Variants in DYNC2H1 observed in about 807,000 individuals in gnomAD.
The protein encoded by DYNC2H1 is dynein cytoplasmic 2 heavy chain 1, also known as cytoplasmic dynein 2 heavy chain 1.
A neutral mutation model predicts 570.0 loss-of-function variants in DYNC2H1; 410 were observed. The observed-to-expected ratio is 0.72, with a 90% CI of 0.66 to 0.78. The LOEUF is 0.78. DYNC2H1 is among the 30% of genes least tolerant of loss of function. The pLI, the probability that DYNC2H1 is intolerant of heterozygous loss-of-function variation, is 0.00. For missense variants in DYNC2H1, 4,865 were observed against 5,046.4 expected, an observed-to-expected ratio of 0.96 and a Z score of 1.09; for synonymous variants, 1,688 against 1,677.6, an observed-to-expected ratio of 1.01 and a Z score of -0.15.
chr11:103,123,857 A>C (rs905375197), intron 11 of DYNC2H1, among the ~76,000 whole-genome samples: 1 of 151,052 alleles, frequency 6.6e-6, no homozygotes, highest in African/African-American at 2.4e-5. Context: ...TTTTTGTCCC[A>C]TAGAATCATC....
intron 50 of DYNC2H1, among the ~76,000 whole-genome samples, chr11:103,202,606 G>T (rs1187332458): frequency 6.6e-6 from 1 of 151,654 alleles, no homozygotes; most frequent in African/African-American, 2.4e-5. Context: ...ATGTGTTCAA[G>T]TATGTACAAG....
rs7951325 is a variant in DYNC2H1, at chr11:103,293,251, C to T, written c.11095+5646C>T. ...CTCTGGATATGTCATCCCCCTCCCT[C>T]ATGGCATGTGAGGGTTCCACTGAGA... On this transcript the variant is annotated intron_variant, in intron 75 of 88. Transcript: ENST00000375735. Among the ~76,000 whole-genome samples the T allele has an allele frequency of 3.1e-3, 467 of 152,290 alleles. 2 individuals are homozygous for T. The highest frequency in any genetic ancestry group is 0.011 in the African/African-American group (449 of 41,560).
chr11:103,235,927 A>G (rs898640705), intron 62 of DYNC2H1, 114 bp downstream of exon 62: 1 of 1,302,876 alleles, frequency 7.7e-7, no homozygotes, highest in African/African-American at 1.5e-5. Flanking sequence ...CCTTTTTTAA[A>G]TGGGGGAAAT....
At chr11:103,202,890 G>C (rs915022794) in intron 50 of DYNC2H1, among the ~76,000 whole-genome samples, 1 of 152,104 alleles carries the variant, frequency 6.6e-6, no homozygotes, top group African/African-American at 2.4e-5. Flanking sequence ...CTGTCTTTAA[G>C]ACTAAAGTTG....
chr11:103,419,047 A>G (rs556887595), intron 84 of DYNC2H1, among the ~76,000 whole-genome samples: 1 of 152,320 alleles, frequency 6.6e-6, no homozygotes, highest in South Asian at 2.1e-4. Flanking sequence ...GTCATTCTGC[A>G]GGGCCCACTT....
In DYNC2H1 at chr11:103,154,477, A is replaced by G; in HGVS notation, c.3329A>G (p.Glu1110Gly). The G allele has an allele frequency of 1.3e-6, 2 of 1,550,552 alleles. No homozygotes were observed. Reference protein sequence around the residue: ...LVDDCHHFRLEEPNFSLASSI... With the variant: ...LVDDCHHFRLGEPNFSLASSI... Reference sequence around the variant, plus strand: ...GATGATTGCCATCATTTTAGACTGGAAGAGCCTAATTTCTCCCTGGCAAGT... The same window carrying G: ...GATGATTGCCATCATTTTAGACTGGGAGAGCCTAATTTCTCCCTGGCAAGT... Residue 1110 changes from glutamate (E) to glycine (G), a missense_variant, in exon 23 of 89, where the codon GAA (glutamate) becomes GGA (glycine). Glu to Gly is a moderately conservative substitution (Grantham distance 98). Coordinates refer to ENST00000375735, the MANE Select transcript of DYNC2H1 (RefSeq NM_001377.3).
chr11:103,116,555 T>A lies in DYNC2H1; in HGVS notation c.622-15T>A. 6.4e-7 allele frequency: 1 copy of A among 1,563,698 alleles called. No homozygotes were observed. Among genetic ancestry groups the A allele is most frequent in the South Asian group, 1.2e-5 (1 of 81,020 alleles). The stretch of plus-strand genomic sequence containing the variant: ...AAATATAATTATGTTTAAAAATTAA[T>A]GCATTTTTTTCTAGGAGTTTTATAA... On this transcript the variant is annotated splice_polypyrimidine_tract_variant and intron_variant, in intron 4 of 88. Coordinates refer to ENST00000375735, the MANE Select transcript of DYNC2H1 (RefSeq NM_001377.3).
At chr11:103,421,068 G>C (rs2135715503) in intron 84 of DYNC2H1, among the ~76,000 whole-genome samples, 1 of 152,018 alleles carries the variant, frequency 6.6e-6, no homozygotes, top group East Asian at 1.9e-4. Context: ...AAAATGCAGG[G>C]GTTGCAATCC....
At chr11:103,259,493 A>C (rs1336740257) in intron 69 of DYNC2H1, among the ~76,000 whole-genome samples, 1 of 152,152 alleles carries the variant, frequency 6.6e-6, no homozygotes, top group East Asian at 1.9e-4. Context: ...CCATATTGAG[A>C]ATGAGAAAAT....
chr11:103,440,851 T>C (rs564990120), intron 85 of DYNC2H1, among the ~76,000 whole-genome samples: 12 of 152,256 alleles, frequency 7.9e-5, no homozygotes, highest in African/African-American at 1.9e-4. Context: ...TCAAAATACA[T>C]TGAGGTACCT....
At chr11:103,198,175 G>C in intron 48 of DYNC2H1, 112 bp downstream of exon 48, 1 of 1,242,148 alleles carries the variant, frequency 8.1e-7, no homozygotes, top group Non-Finnish European at 1.1e-6. Context: ...AATAGGCAAA[G>C]CTGGTTCTTA....
At chr11:103,231,969 A>G (rs1289394965) in intron 60 of DYNC2H1, among the ~76,000 whole-genome samples, 10 of 152,024 alleles carry the variant, frequency 6.6e-5, no homozygotes, top group Non-Finnish European at 1.5e-5. Context: ...AACCGAAAAG[A>G]AAACCCCAAA....
chr11:103,220,507 G>A (rs1160075839), intron 56 of DYNC2H1, 116 bp from the exon 57 acceptor site: 5 of 986,372 alleles, frequency 5.1e-6, no homozygotes, highest in Middle Eastern at 6.5e-4. Flanking sequence ...TTAAGAGAGA[G>A]AACATTAGTA....
chr11:103,423,109 A>G (rs941170560), intron 84 of DYNC2H1, among the ~76,000 whole-genome samples: 1 of 152,088 alleles, frequency 6.6e-6, no homozygotes, highest in Non-Finnish European at 1.5e-5. Flanking sequence ...TTCAAACATT[A>G]TGAAGATATT....
intron 78 of DYNC2H1, among the ~76,000 whole-genome samples, chr11:103,309,661 G>C (rs1310021544): frequency 6.6e-6 from 1 of 151,942 alleles, no homozygotes; most frequent in Non-Finnish European, 1.5e-5. Flanking sequence ...AACTTTCCCA[G>C]AATCTTCTCC....
rs537924211 is a variant in DYNC2H1, at chr11:103,299,904, T to C, written c.11096-3189T>C. ...ACTTGTTTCTAGGGTTCAGTACTAT[T>C]CCATTTCTAAAGTGCAGTTTCCCAT... On this transcript the variant is annotated intron_variant, in intron 75 of 88. Coordinates refer to ENST00000375735, the MANE Select transcript of DYNC2H1 (RefSeq NM_001377.3). This position sits in a 1 kb window ranked among gnomAD's most constrained non-coding sequence, Gnocchi z 4.5. Among the ~76,000 whole-genome samples, 1 of 152,232 alleles carries C rather than the reference T, an allele frequency of 6.6e-6. No homozygotes were observed. The highest frequency in any genetic ancestry group is 1.9e-4 in the East Asian group (1 of 5,174).
intron 1 of DYNC2H1, among the ~76,000 whole-genome samples, chr11:103,112,305 A>G (rs1858152249): frequency 6.6e-6 from 1 of 152,246 alleles, no homozygotes. Context: ...AATAAGGCAC[A>G]GGCTGATCAT....
intron 85 of DYNC2H1, among the ~76,000 whole-genome samples, chr11:103,448,202 T>C (rs1944489416): frequency 6.6e-6 from 1 of 151,582 alleles, no homozygotes. Flanking sequence ...TCGGGGGAGG[T>C]TGGGGAGGAG....
At position 103,446,525 on chromosome 11, in the gene DYNC2H1, G is replaced by A. The variant is rs564869309; in HGVS notation, c.12457-8661G>A. Among the ~76,000 whole-genome samples the A allele has an allele frequency of 2.0e-5, 3 of 152,282 alleles. No individual in the cohort carries two copies. The highest frequency in any genetic ancestry group is 7.2e-5 in the African/African-American group (3 of 41,568). ...TTTTGTGAAGTTCTAAAGAATGAAAGCCTGGTCATATGAGTTTAAAAAAGA... is the reference window on the plus strand; with the variant it reads ...TTTTGTGAAGTTCTAAAGAATGAAAACCTGGTCATATGAGTTTAAAAAAGA... On this transcript the variant is annotated intron_variant, in intron 85 of 88. Coordinates refer to ENST00000375735, the MANE Select transcript of DYNC2H1 (RefSeq NM_001377.3). This position sits in a 1 kb window ranked among gnomAD's most constrained non-coding sequence, Gnocchi z 4.5.
Sources: gnomAD v4.1 joint callset for allele counts (sites outside exome capture counted in the v4.1 genomes callset) on GRCh38, gnomAD v4.1.1 for gene constraint, Gnocchi (gnomAD v3.1) non-coding constraint, MANE v1.5 for transcripts, NCBI Gene and HGNC (gene_info 2026-07-23, HGNC 2026-07-21) for gene names.